The following SLC38A12 variants were observed in gnomAD, a reference collection of about 807,000 sequenced individuals.
SLC38A12 encodes the protein solute carrier family 38 member 12.
At chr17:74,804,323 C>G in the SLC38A12 span, among the ~76,000 whole-genome samples, 1 of 152,286 alleles carries the variant, frequency 6.6e-6, no homozygotes, top group Admixed American at 6.5e-5. Context: ...GGTGCTGGCC[C>G]TGCACACTGG....
At chr17:74,799,414 G>A in the SLC38A12 span, among the ~76,000 whole-genome samples, 10 of 152,348 alleles carry the variant, frequency 6.6e-5, no homozygotes, top group East Asian at 1.9e-4. Context: ...GGACAAGGTC[G>A]CCCTGGCCTG....
the SLC38A12 span, among the ~76,000 whole-genome samples, chr17:74,815,114 G>A: frequency 3.9e-5 from 6 of 152,198 alleles, no homozygotes; most frequent in African/African-American, 1.4e-4. Context: ...TTCTGGCTGT[G>A]TCACTGAACC....
At chr17:74,785,511 C>T in the SLC38A12 span, 43 of 1,613,906 alleles carry the variant, frequency 2.7e-5, no homozygotes, top group Non-Finnish European at 3.6e-5. Flanking sequence ...TTAACCTCAT[C>T]GTGGGCACGG....
chr17:74,808,959 C>T, the SLC38A12 span, among the ~76,000 whole-genome samples: 6 of 152,188 alleles, frequency 3.9e-5, no homozygotes, highest in South Asian at 2.1e-4. Context: ...TGGCACCTTC[C>T]CCCACATGCC....
the SLC38A12 span, chr17:74,836,385 C>T: frequency 1.4e-4 from 220 of 1,611,906 alleles, no homozygotes; most frequent in Middle Eastern, 4.9e-4. This position sits in a 1 kb window ranked among gnomAD's most constrained non-coding sequence, Gnocchi z 4.2. Flanking sequence ...GGTGGTGGAC[C>T]GCGTCGTGTT....
the SLC38A12 span, among the ~76,000 whole-genome samples, chr17:74,821,706 G>T: frequency 1.3e-5 from 2 of 152,222 alleles, no homozygotes; most frequent in Non-Finnish European, 1.5e-5. Context: ...AGTAAAGCAG[G>T]ATTTAGAGAA....
At chr17:74,825,765 C>G in the SLC38A12 span, among the ~76,000 whole-genome samples, 755 of 152,308 alleles carry the variant, frequency 5.0e-3, 6 homozygotes, top group African/African-American at 0.017. Flanking sequence ...CGAGTCTGAC[C>G]CGACGATGGT....
the SLC38A12 span, among the ~76,000 whole-genome samples, chr17:74,814,792 T>C: frequency 6.6e-6 from 1 of 152,128 alleles, no homozygotes; most frequent in Non-Finnish European, 1.5e-5. Flanking sequence ...AGAGCCTTCC[T>C]AGGTGCTGCG....
chr17:74,834,292 C>T, the SLC38A12 span, among the ~76,000 whole-genome samples: 1 of 151,878 alleles, frequency 6.6e-6, no homozygotes, highest in African/African-American at 2.4e-5. Flanking sequence ...AGGGTTGGGA[C>T]GATTTGTGAT....
At chr17:74,806,945 G>A in the SLC38A12 span, among the ~76,000 whole-genome samples, 2 of 152,186 alleles carry the variant, frequency 1.3e-5, no homozygotes, top group Non-Finnish European at 2.9e-5. Context: ...CTGCCCCAGG[G>A]TCATGAAGGT....
the SLC38A12 span, among the ~76,000 whole-genome samples, chr17:74,798,078 C>A: frequency 1.3e-5 from 2 of 152,184 alleles, no homozygotes; most frequent in Non-Finnish European, 2.9e-5. Context: ...GCGAGCAGGT[C>A]GGAGGAGAAT....
the SLC38A12 span, among the ~76,000 whole-genome samples, chr17:74,804,693 T>C: frequency 6.6e-6 from 1 of 152,210 alleles, no homozygotes; most frequent in Non-Finnish European, 1.5e-5. Context: ...AGTTTGGCAA[T>C]GGCAAGAACT....
chr17:74,831,137 G>A, the SLC38A12 span, among the ~76,000 whole-genome samples: 40 of 152,162 alleles, frequency 2.6e-4, no homozygotes, highest in Admixed American at 2.4e-3. Flanking sequence ...CCCCCACCAC[G>A]TGCCTCCTTC....
At chr17:74,815,557 G>A in the SLC38A12 span, among the ~76,000 whole-genome samples, 9 of 152,284 alleles carry the variant, frequency 5.9e-5, no homozygotes, top group African/African-American at 9.6e-5. Context: ...CACACGCTCC[G>A]TGGTGCGGTT....
chr17:74,815,953 A>G, the SLC38A12 span, among the ~76,000 whole-genome samples: 2 of 152,110 alleles, frequency 1.3e-5, no homozygotes, highest in Admixed American at 6.5e-5. Flanking sequence ...TGTCCAGGAA[A>G]TCTCCAGGCA....
the SLC38A12 span, among the ~76,000 whole-genome samples, chr17:74,823,752 A>C: frequency 9.2e-5 from 14 of 152,308 alleles, no homozygotes; most frequent in Non-Finnish European, 1.5e-4. Flanking sequence ...ATTCCTGAGC[A>C]ATCAGGTCTC....
chr17:74,788,714 T>C, the SLC38A12 span: 1 of 1,366,230 alleles, frequency 7.3e-7, no homozygotes, highest in South Asian at 1.2e-5. Flanking sequence ...GGTCGGTTCT[T>C]ACAATGGTGT....
At chr17:74,835,989 C>T in the SLC38A12 span, 11 of 1,611,922 alleles carry the variant, frequency 6.8e-6, no homozygotes, top group African/African-American at 1.3e-5. Flanking sequence ...GGAGGGGCAC[C>T]CGCCCCTGGC....
chr17:74,777,471 G>C, the SLC38A12 span: 6 of 1,589,072 alleles, frequency 3.8e-6, no homozygotes, highest in South Asian at 1.1e-5. Flanking sequence ...GAGTGCTGCT[G>C]CTTGAGCAGA....
Sources: gnomAD v4.1 joint callset for allele counts (sites outside exome capture counted in the v4.1 genomes callset) on GRCh38, gnomAD v4.1.1 for gene constraint, Gnocchi (gnomAD v3.1) non-coding constraint, MANE v1.5 for transcripts, NCBI Gene and HGNC (gene_info 2026-07-23, HGNC 2026-07-21) for gene names.